NAALADL2: variants seen among roughly 807,000 people sequenced by gnomAD.
NAALADL2 encodes the protein N-acetylated alpha-linked acidic dipeptidase like 2.
A neutral mutation model predicts 87.2 loss-of-function variants in NAALADL2; 76 were observed. That is an observed-to-expected ratio of 0.87 (90% CI 0.72 to 1.05). The LOEUF (loss-of-function observed/expected upper bound fraction) is 1.05. Ranked by LOEUF, NAALADL2 falls within the 50% of genes least tolerant of loss-of-function variation. The pLI is 0.00. For missense variants in NAALADL2, 1,089 were observed against 945.8 expected, an observed-to-expected ratio of 1.15 and a Z score of -1.99; for synonymous variants, 354 against 331.0, an observed-to-expected ratio of 1.07 and a Z score of -0.75.
chr3:175,201,683 A>G (rs1421991298), intron 2 of NAALADL2, among the ~76,000 whole-genome samples: 1 of 152,054 alleles, frequency 6.6e-6, no homozygotes, highest in Admixed American at 6.5e-5. Context: ...TTAACTTTGT[A>G]CACTAATTTC....
At chr3:175,227,582 T>A (rs1384024503) in intron 2 of NAALADL2, among the ~76,000 whole-genome samples, 1 of 152,036 alleles carries the variant, frequency 6.6e-6, no homozygotes, top group Non-Finnish European at 1.5e-5. Context: ...GAATTTCTCA[T>A]TTAATACAGC....
chr3:175,050,772 T>C (rs1320666610), intron 1 of NAALADL2, among the ~76,000 whole-genome samples: 1 of 152,214 alleles, frequency 6.6e-6, no homozygotes, highest in Non-Finnish European at 1.5e-5. Context: ...TACCATTATA[T>C]TTTATTATGA....
At chr3:175,521,560 G>C (rs934106615) in intron 9 of NAALADL2, among the ~76,000 whole-genome samples, 3 of 152,124 alleles carry the variant, frequency 2.0e-5, no homozygotes, top group African/African-American at 4.8e-5. Context: ...TTTGGAAATA[G>C]TCTTTGCAGA....
intron 2 of NAALADL2, among the ~76,000 whole-genome samples, chr3:175,132,928 CG>C (rs1728380154): frequency 6.6e-6 from 1 of 150,498 alleles, no homozygotes; most frequent in Non-Finnish European, 1.5e-5. Context: ...ACTTCTCAGA[CG>C]GGGCGGTTGC....
At chr3:175,430,577 A>G (rs1340637243) in intron 5 of NAALADL2, among the ~76,000 whole-genome samples, 1 of 151,982 alleles carries the variant, frequency 6.6e-6, no homozygotes, top group African/African-American at 2.4e-5. Flanking sequence ...TTATCTTCAT[A>G]TTTACATCTT....
At chr3:174,606,979 T>C (rs953473770) in intron 2 of NAALADL2, among the ~76,000 whole-genome samples, 3 of 152,086 alleles carry the variant, frequency 2.0e-5, no homozygotes, top group African/African-American at 4.8e-5. Flanking sequence ...CGGCAGAAAC[T>C]CTACAAGCCA....
At chr3:175,569,604 A>C (rs974633693) in intron 9 of NAALADL2, among the ~76,000 whole-genome samples, 1 of 152,120 alleles carries the variant, frequency 6.6e-6, no homozygotes, top group African/African-American at 2.4e-5. Flanking sequence ...TTATAAAAAG[A>C]GAGGTAGATA....
intron 1 of NAALADL2, among the ~76,000 whole-genome samples, chr3:174,940,239 A>G (rs990574480): frequency 1.3e-5 from 2 of 152,158 alleles, no homozygotes; most frequent in Admixed American, 1.3e-4. Flanking sequence ...AGTTTTTTCA[A>G]AAGCCTTTTA....
chr3:174,697,706 C>T (rs1729162634), intron 2 of NAALADL2, among the ~76,000 whole-genome samples: 1 of 152,104 alleles, frequency 6.6e-6, no homozygotes, highest in Non-Finnish European at 1.5e-5. Context: ...CTAGTTTTCA[C>T]TTATATTTTT....
intron 1 of NAALADL2, among the ~76,000 whole-genome samples, chr3:175,014,588 C>T (rs1021658514): frequency 6.6e-6 from 1 of 151,998 alleles, no homozygotes; most frequent in African/African-American, 2.4e-5. Flanking sequence ...TGACACATAC[C>T]ATTTTAAAAG....
chr3:175,401,787 C>T (rs1770591873), intron 5 of NAALADL2, among the ~76,000 whole-genome samples: 2 of 152,018 alleles, frequency 1.3e-5, no homozygotes, highest in Non-Finnish European at 2.9e-5. Flanking sequence ...ATATGTATAC[C>T]TATTTTTCAG....
At chr3:175,064,363 T>C (rs988298915) in intron 1 of NAALADL2, among the ~76,000 whole-genome samples, 2 of 151,504 alleles carry the variant, frequency 1.3e-5, no homozygotes, top group Non-Finnish European at 2.9e-5. Flanking sequence ...GTCCAGGATA[T>C]GTTACTTATT....
intron 9 of NAALADL2, among the ~76,000 whole-genome samples, chr3:175,495,636 AC>A (rs1212685862): frequency 2.0e-5 from 3 of 151,934 alleles, no homozygotes; most frequent in Non-Finnish European, 4.4e-5. Flanking sequence ...CTTTGCTTGT[AC>A]CCTCTGCACA....
intron 1 of NAALADL2, among the ~76,000 whole-genome samples, chr3:174,450,656 G>A (rs1365006322): frequency 1.3e-5 from 2 of 152,130 alleles, no homozygotes; most frequent in Non-Finnish European, 2.9e-5. Flanking sequence ...TGGATCATGA[G>A]ATCAGGAGTT....
At chr3:174,787,599 A>ACATATATATATATATATATATATG (rs1553855294) in intron 3 of NAALADL2, among the ~76,000 whole-genome samples, 6 of 67,868 alleles carry the variant, frequency 8.8e-5, no homozygotes, top group African/African-American at 3.1e-4. Flanking sequence ...ATATATATAT[A>ACATATATATATATATATATATATG]TATATATATA....
intron 1 of NAALADL2, among the ~76,000 whole-genome samples, chr3:174,917,583 A>C (rs1276694769): frequency 6.6e-6 from 1 of 152,160 alleles, no homozygotes. Flanking sequence ...CCTTGGTTAG[A>C]GACACACTAT....
intron 10 of NAALADL2, among the ~76,000 whole-genome samples, chr3:175,582,253 A>G (rs1719897727): frequency 6.6e-6 from 1 of 152,172 alleles, no homozygotes; most frequent in Non-Finnish European, 1.5e-5. Flanking sequence ...ATGGAGATAC[A>G]CTTAAAACAC....
chr3:175,632,069 T>C (rs1045363285), intron 11 of NAALADL2, among the ~76,000 whole-genome samples: 3 of 152,006 alleles, frequency 2.0e-5, no homozygotes, highest in South Asian at 2.1e-4. Context: ...GGAAAGAAGA[T>C]GGAGCTTTTT....
chr3:174,900,235 G>A (rs1383813812), intron 1 of NAALADL2, among the ~76,000 whole-genome samples: 3 of 151,854 alleles, frequency 2.0e-5, no homozygotes, highest in African/African-American at 7.2e-5. Flanking sequence ...TAGATAAAAT[G>A]GACAAGTTAG....
Sources: allele counts gnomAD v4.1 joint callset (sites outside exome capture counted in the v4.1 genomes callset), GRCh38; gene constraint gnomAD v4.1.1; transcripts MANE v1.5; gene names NCBI Gene and HGNC (gene_info 2026-07-23, HGNC 2026-07-21).